The following DPYD variants were observed in gnomAD, a reference collection of about 807,000 sequenced individuals.
The protein encoded by DPYD is dihydropyrimidine dehydrogenase [NADP(+)].
In DPYD, 109 loss-of-function variants were observed where a neutral mutation model predicts 116.2. That is an observed-to-expected ratio of 0.94 (90% CI 0.80 to 1.10). The LOEUF (loss-of-function observed/expected upper bound fraction) is 1.10, where lower values mean the gene tolerates loss of function less well. Among genes scored for constraint, DPYD ranks in the 50% least tolerant of loss-of-function variants. The pLI, the probability that DPYD is intolerant of heterozygous loss-of-function variation, is 0.00. For synonymous variants in DPYD, 440 were observed against 432.0 expected (o/e 1.02, Z -0.23); for missense variants, 1,302 against 1,254.5 (o/e 1.04, Z -0.57).
At chr1:97,274,503 T>C (rs1019123560) in intron 18 of DPYD, among the ~76,000 whole-genome samples, 5 of 152,086 alleles carry the variant, frequency 3.3e-5, no homozygotes, top group Admixed American at 3.3e-4. Context: ...TCTTGTAGAG[T>C]CTGCAGAACC....
intron 14 of DPYD, among the ~76,000 whole-genome samples, chr1:97,411,701 G>A (rs1236692210): frequency 6.6e-6 from 1 of 152,102 alleles, no homozygotes; most frequent in Non-Finnish European, 1.5e-5. Flanking sequence ...AACATCATAG[G>A]GTTTAATCTT....
At chr1:97,314,262 C>G (rs1329197098) in intron 16 of DPYD, among the ~76,000 whole-genome samples, 2 of 151,872 alleles carry the variant, frequency 1.3e-5, no homozygotes, top group Non-Finnish European at 2.9e-5. Context: ...GACCCTGCCT[C>G]AACTCTCAGT....
intron 13 of DPYD, among the ~76,000 whole-genome samples, chr1:97,476,767 G>A (rs1677991227): frequency 6.6e-6 from 1 of 151,936 alleles, no homozygotes; most frequent in African/African-American, 2.4e-5. Context: ...TCAACTACAG[G>A]CACACCTAGG....
intron 8 of DPYD, among the ~76,000 whole-genome samples, chr1:97,665,867 C>T (rs1343775763): frequency 6.6e-6 from 1 of 152,138 alleles, no homozygotes; most frequent in African/African-American, 2.4e-5. Flanking sequence ...GAACTATGCT[C>T]TGGATGGCTT....
chr1:97,659,795 A>C (rs751672447), intron 8 of DPYD, among the ~76,000 whole-genome samples: 4 of 152,142 alleles, frequency 2.6e-5, no homozygotes, highest in African/African-American at 4.8e-5. Flanking sequence ...CGAGTCATAC[A>C]TACATTTTCT....
intron 13 of DPYD, among the ~76,000 whole-genome samples, chr1:97,500,280 AC>A (rs1381344163): frequency 6.7e-6 from 1 of 150,206 alleles, no homozygotes; most frequent in Non-Finnish European, 1.5e-5. Context: ...AAATTAAACT[AC>A]AGGCAAAATC....
chr1:97,516,062 C>T (rs1301445555), intron 12 of DPYD, 121 bp from the exon 13 acceptor site: 7 of 1,053,198 alleles, frequency 6.6e-6, no homozygotes, highest in Non-Finnish European at 9.9e-6. Flanking sequence ...AGTCTGTTTA[C>T]AATGAAAAAA....
At chr1:97,817,985 T>C (rs1668718060) in intron 3 of DPYD, among the ~76,000 whole-genome samples, 1 of 151,942 alleles carries the variant, frequency 6.6e-6, no homozygotes, top group Non-Finnish European at 1.5e-5. Context: ...CTCTGCACTT[T>C]TCTTTGGTAG....
chr1:97,561,395 A>G (rs143328940), intron 11 of DPYD, among the ~76,000 whole-genome samples: 3 of 152,248 alleles, frequency 2.0e-5, no homozygotes, highest in Non-Finnish European at 1.5e-5. Context: ...TCATTCAACC[A>G]TTTATTCATC....
chr1:97,257,452 T>TATATATATATATATATAGAGAG (rs375490078), intron 18 of DPYD, among the ~76,000 whole-genome samples: 9 of 126,472 alleles, frequency 7.1e-5, no homozygotes, highest in South Asian at 5.4e-4. Flanking sequence ...TATATATATA[T>TATATATATATATATATAGAGAG]AGAGAGAGAG....
At chr1:97,833,143 C>CA in intron 2 of DPYD, among the ~76,000 whole-genome samples, 1 of 151,646 alleles carries the variant, frequency 6.6e-6, no homozygotes, top group South Asian at 2.1e-4. Context: ...AATTTATATA[C>CA]AAACCTAAAT....
intron 16 of DPYD, among the ~76,000 whole-genome samples, chr1:97,363,840 T>A (rs775088495): frequency 6.6e-6 from 1 of 152,010 alleles, no homozygotes; most frequent in Non-Finnish European, 1.5e-5. Context: ...ATTAGAGAAA[T>A]ACCTAATATA....
intron 8 of DPYD, among the ~76,000 whole-genome samples, chr1:97,619,133 C>T (rs1656479589): frequency 6.6e-6 from 1 of 152,092 alleles, no homozygotes; most frequent in Admixed American, 6.6e-5. Flanking sequence ...TTATTTCATA[C>T]AGATTGGTAA....
chr1:97,123,915 G>T (rs1446015300), intron 20 of DPYD, among the ~76,000 whole-genome samples: 1 of 152,084 alleles, frequency 6.6e-6, no homozygotes, highest in Non-Finnish European at 1.5e-5. Flanking sequence ...GAGTAGCCTG[G>T]GTGATTCAGG....
chr1:97,243,533 A>G (rs1662518229), intron 18 of DPYD, among the ~76,000 whole-genome samples: 1 of 151,894 alleles, frequency 6.6e-6, no homozygotes, highest in South Asian at 2.1e-4. Context: ...TCCCAACACC[A>G]TGCTCTTAAC....
intron 16 of DPYD, among the ~76,000 whole-genome samples, chr1:97,350,721 G>A (rs1168250561): frequency 1.3e-5 from 2 of 152,076 alleles, no homozygotes; most frequent in Admixed American, 6.6e-5. Flanking sequence ...TAGTTGTTCA[G>A]GGTTGTTTTA....
chr1:97,523,772 A>C (rs1423590364), intron 12 of DPYD, among the ~76,000 whole-genome samples: 1 of 152,148 alleles, frequency 6.6e-6, no homozygotes, highest in East Asian at 1.9e-4. Context: ...CTAAGCCTTC[A>C]AAAGTCAGTC....
At chr1:97,255,706 C>T (rs1481523117) in intron 18 of DPYD, among the ~76,000 whole-genome samples, 2 of 69,684 alleles carry the variant, frequency 2.9e-5, no homozygotes, top group African/African-American at 7.4e-5. Flanking sequence ...TTTATTTTTG[C>T]CGTTTTTTTT....
intron 16 of DPYD, among the ~76,000 whole-genome samples, chr1:97,311,003 A>C (rs1468830868): frequency 1.3e-5 from 2 of 151,914 alleles, no homozygotes; most frequent in East Asian, 3.9e-4. Flanking sequence ...CATTATATGC[A>C]TACATTTATT....
Sources: gnomAD v4.1 joint callset for allele counts (sites outside exome capture counted in the v4.1 genomes callset) on GRCh38, gnomAD v4.1.1 for gene constraint, MANE v1.5 for transcripts, NCBI Gene and HGNC (gene_info 2026-07-23, HGNC 2026-07-21) for gene names.